The following C8orf34 variants were observed in gnomAD, a reference collection of about 807,000 sequenced individuals.
C8orf34 encodes the protein uncharacterized protein C8orf34.
Under a neutral mutation model 68.3 loss-of-function variants are expected in C8orf34, and 65 were observed. The ratio of observed to expected loss-of-function variants is 0.95; its 90% CI spans 0.78 to 1.17. The LOEUF is 1.17. Among genes scored for constraint, C8orf34 ranks in the 50% most tolerant of loss-of-function variants. The pLI is 0.00. For synonymous variants in C8orf34, 244 were observed against 241.2 expected, an observed-to-expected ratio of 1.01 and a Z score of -0.11; for missense variants, 664 against 655.4, an observed-to-expected ratio of 1.01 and a Z score of -0.14.
chr8:68,516,407 GA>G (rs1236550639), intron 5 of C8orf34, among the ~76,000 whole-genome samples: 1 of 152,108 alleles, frequency 6.6e-6, no homozygotes, highest in Non-Finnish European at 1.5e-5. Flanking sequence ...TTATTAACAA[GA>G]GGAAATAGAG....
intron 10 of C8orf34, among the ~76,000 whole-genome samples, chr8:68,743,768 G>C (rs1462445828): frequency 6.6e-6 from 1 of 152,234 alleles, no homozygotes; most frequent in East Asian, 1.9e-4. Context: ...TAGCACAGCA[G>C]TCTGAGATCA....
chr8:68,746,529 C>A, intron 10 of C8orf34, among the ~76,000 whole-genome samples: 1 of 112,882 alleles, frequency 8.9e-6, no homozygotes, highest in Non-Finnish European at 1.8e-5. Flanking sequence ...CAAATAGATG[C>A]AATAAAAAAT....
At chr8:68,525,474 G>T in intron 6 of C8orf34, 7 of 579,250 alleles carry the variant, frequency 1.2e-5, no homozygotes, top group East Asian at 2.8e-5. Context: ...TTTCTTTTTG[G>T]TTTCCCTCTG....
chr8:68,740,749 T>C (rs1275467733), intron 10 of C8orf34, among the ~76,000 whole-genome samples: 1 of 152,104 alleles, frequency 6.6e-6, no homozygotes, highest in Non-Finnish European at 1.5e-5. Flanking sequence ...ATATTCTCAA[T>C]GGAATATAAA....
chr8:68,488,165 G>T, intron 5 of C8orf34, 114 bp downstream of exon 5: 1 of 730,438 alleles, frequency 1.4e-6, no homozygotes, highest in Non-Finnish European at 2.1e-6. Context: ...AATTTATTTG[G>T]GCTAACATTT....
intron 10 of C8orf34, among the ~76,000 whole-genome samples, chr8:68,754,737 A>T (rs1226468884): frequency 3.3e-5 from 5 of 152,256 alleles, no homozygotes; most frequent in Non-Finnish European, 1.5e-5. Flanking sequence ...TTTGAAGGTG[A>T]CATGGGTATC....
At position 68,724,414 on chromosome 8, in the gene C8orf34, T is replaced by C. The variant is rs1821767979; in HGVS notation, c.1404+2977T>C. The stretch of plus-strand genomic sequence containing the variant: ...TAGTTTCAACACAGGCTGTCTCTAT[T>C]TGCTAACTTTCCATGTTGAATATTG... On this transcript the variant is annotated intron_variant, in intron 10 of 13. Transcript: ENST00000518698. Among the ~76,000 whole-genome samples, 3 of 152,224 alleles carry C rather than the reference T, an allele frequency of 2.0e-5. No individual in the cohort carries two copies. In the South Asian group the frequency reaches 6.2e-4, roughly 31 times the overall value.
intron 4 of C8orf34, among the ~76,000 whole-genome samples, chr8:68,477,934 C>T (rs954332679): frequency 6.6e-6 from 1 of 151,954 alleles, no homozygotes; most frequent in Admixed American, 6.6e-5. Flanking sequence ...CACAGAGCAG[C>T]AGGGACCATG....
chr8:68,485,541 G>A (rs936728084), intron 4 of C8orf34, among the ~76,000 whole-genome samples: 2 of 151,486 alleles, frequency 1.3e-5, no homozygotes, highest in African/African-American at 4.8e-5. Context: ...GTGAAACCCC[G>A]TCTCTACTAA....
chr8:68,794,495 ATATATATATATTT>A lies in C8orf34; in HGVS notation c.1549+6961_1549+6973del, dbSNP rs1563673958. 5.2e-3 allele frequency among the ~76,000 whole-genome samples: 440 copies of A among 85,308 alleles called. 13 individuals carry two copies. The East Asian group carries it at 0.087, about 17-fold the overall frequency. 56.0% of individuals were successfully genotyped at this position (85,308 alleles called of 152,430 possible). On this transcript the variant is annotated intron_variant, in intron 12 of 13. Transcript: ENST00000518698. ...TATATAAATATAAATATATATATAT[ATATATATATATTT>A]TTTTTTTTTTTTTTTAGACAGGCTC...
chr8:68,545,779 A>G (rs547519384), intron 7 of C8orf34, among the ~76,000 whole-genome samples: 1 of 152,168 alleles, frequency 6.6e-6, no homozygotes, highest in Non-Finnish European at 1.5e-5. Flanking sequence ...TCAGATCTAT[A>G]GAAAAGAATG....
chr8:68,441,455 T>TCTC (rs147785555), intron 2 of C8orf34, among the ~76,000 whole-genome samples: 1 of 152,068 alleles, frequency 6.6e-6, no homozygotes, highest in African/African-American at 2.4e-5. Context: ...CTCTTCTTAT[T>TCTC]CTCCTCCTCC....
intron 8 of C8orf34, among the ~76,000 whole-genome samples, chr8:68,668,706 A>C (rs1179090385): frequency 6.6e-6 from 1 of 152,206 alleles, no homozygotes; most frequent in Non-Finnish European, 1.5e-5. Context: ...GACTGAATCT[A>C]TGAGCCTTTA....
chr8:68,484,641 C>A (rs1486916823), intron 4 of C8orf34, among the ~76,000 whole-genome samples: 1 of 152,174 alleles, frequency 6.6e-6, no homozygotes, highest in Non-Finnish European at 1.5e-5. Context: ...TTAATCTCTT[C>A]TCAGGGAATA....
intron 7 of C8orf34, among the ~76,000 whole-genome samples, chr8:68,545,262 G>T (rs906112053): frequency 6.6e-6 from 1 of 151,996 alleles, no homozygotes; most frequent in Non-Finnish European, 1.5e-5. Flanking sequence ...CTTTCACTTG[G>T]CTCTCATTCT....
chr8:68,476,229 A>G (rs1252791730), intron 4 of C8orf34, among the ~76,000 whole-genome samples: 1 of 152,246 alleles, frequency 6.6e-6, no homozygotes, highest in Non-Finnish European at 1.5e-5. Flanking sequence ...ACATTTTAGT[A>G]GTGGAGACAG....
intron 8 of C8orf34, among the ~76,000 whole-genome samples, chr8:68,658,461 T>C (rs935558629): frequency 2.0e-5 from 3 of 152,188 alleles, no homozygotes; most frequent in African/African-American, 7.2e-5. Context: ...TCTTTTATTT[T>C]TGCTTGATAT....
chr8:68,610,862 T>TAACCAGA (rs1563560402), intron 7 of C8orf34, among the ~76,000 whole-genome samples: 2 of 86,368 alleles, frequency 2.3e-5, no homozygotes, highest in Non-Finnish European at 4.4e-5. Context: ...GAATCTTTGG[T>TAACCAGA]TTTTTTTTTT....
chr8:68,496,488 T>G (rs1192062000), intron 5 of C8orf34, among the ~76,000 whole-genome samples: 1 of 152,224 alleles, frequency 6.6e-6, no homozygotes, highest in Non-Finnish European at 1.5e-5. Flanking sequence ...CTTGCCTTTC[T>G]AAAAAGTTAG....
Sources: allele counts gnomAD v4.1 joint callset (sites outside exome capture counted in the v4.1 genomes callset), GRCh38; gene constraint gnomAD v4.1.1; transcripts MANE v1.5; gene names NCBI Gene and HGNC (gene_info 2026-07-23, HGNC 2026-07-21).